CPXM2: variants seen among roughly 807,000 people sequenced by gnomAD.
CPXM2 encodes the protein carboxypeptidase X, M14 family member 2.
In CPXM2, 66 loss-of-function variants were observed where a neutral mutation model predicts 86.1. The ratio of observed to expected loss-of-function variants is 0.77; its 90% CI spans 0.63 to 0.94. The LOEUF is 0.94. Among genes scored for constraint, CPXM2 ranks in the 40% least tolerant of loss-of-function variants. The probability of loss-of-function intolerance (pLI) is 0.00; values close to 1 mark genes in which losing one functional copy is unlikely to be tolerated. For synonymous variants in CPXM2, 388 were observed against 400.2 expected (o/e 0.97, Z 0.36); for missense variants, 948 against 1,026.3 (o/e 0.92, Z 1.04).
At chr10:123,778,903 T>C (rs964057638) in intron 7 of CPXM2, among the ~76,000 whole-genome samples, 1 of 152,212 alleles carries the variant, frequency 6.6e-6, no homozygotes, top group African/African-American at 2.4e-5. Flanking sequence ...AGCAAGAAGA[T>C]TTCTTAGCAC....
chr10:123,920,030 C>T (rs574637806), intron 2 of CPXM2, among the ~76,000 whole-genome samples: 21 of 152,266 alleles, frequency 1.4e-4, no homozygotes, highest in African/African-American at 4.8e-4. Context: ...CTGCCATGAC[C>T]CAAACACCTC....
At chr10:123,775,373 A>C (rs188642264) in intron 7 of CPXM2, among the ~76,000 whole-genome samples, 1 of 152,218 alleles carries the variant, frequency 6.6e-6, no homozygotes, top group South Asian at 2.1e-4. Context: ...ATCTCTACGG[A>C]CATAAAGCCT....
At position 123,786,889 on chromosome 10, in the gene CPXM2, T is replaced by A. The variant is rs533346429; in HGVS notation, c.890-6634A>T. Among the ~76,000 whole-genome samples, 4 of 152,268 alleles carry A rather than the reference T, an allele frequency of 2.6e-5. No individual in the cohort carries two copies. In the South Asian group the frequency reaches 8.3e-4, roughly 32 times the overall value. ...TGTAGATTCACTGGGCACTAAAGTC[T>A]CCCAAGGATGTCATCATTTGCCTCA... is the stretch of plus-strand genomic sequence containing the variant. On this transcript the variant is annotated intron_variant, in intron 6 of 13. Coordinates refer to ENST00000241305, the MANE Select transcript of CPXM2 (RefSeq NM_198148.3).
chr10:123,933,374 A>T (rs1945684771), intron 2 of CPXM2, among the ~76,000 whole-genome samples: 1 of 152,228 alleles, frequency 6.6e-6, no homozygotes, highest in African/African-American at 2.4e-5. Context: ...GAGCTATTAG[A>T]GGAATCAAGA....
At chr10:123,903,045 A>C (rs1045430777) in intron 2 of CPXM2, among the ~76,000 whole-genome samples, 2 of 152,046 alleles carry the variant, frequency 1.3e-5, no homozygotes, top group Admixed American at 1.3e-4. Flanking sequence ...TCGAAGCCCA[A>C]CTCTAACGCC....
At chr10:123,936,237 G>C (rs540487410) in intron 2 of CPXM2, among the ~76,000 whole-genome samples, 1 of 152,208 alleles carries the variant, frequency 6.6e-6, no homozygotes. Flanking sequence ...CTAAGGCTCA[G>C]AGACTGTAAA....
intron 13 of CPXM2, 56 bp from the exon 14 acceptor site, chr10:123,747,073 G>T (rs181757004): frequency 1.3e-6 from 2 of 1,577,616 alleles, no homozygotes; most frequent in East Asian, 2.2e-5. Context: ...TGCAGATCCC[G>T]CCAGCCCTCC....
rs759010894 is a variant in CPXM2 at position 123,880,226 on chromosome 10, C to A, written c.388G>T (p.Glu130Ter). 2.8e-6 allele frequency: 4 copies of A among 1,436,456 alleles called. No individual in the cohort carries two copies. In the Admixed American group the frequency reaches 7.6e-5, roughly 27 times the overall value. 89.0% of individuals were successfully genotyped at this position (1,436,456 alleles called of 1,614,324 possible). The change falls in exon 2 of 14, where the codon GAA becomes TAA. Residue 130 changes from glutamate to a stop codon, truncating the protein, a stop_gained. Transcript: ENST00000241305. LOFTEE classifies it high-confidence loss of function. Reference protein sequence around the residue: ...NDDHSVRVAREDVRESCPPLG... With the variant: ...NDDHSVRVAR ...CCTCACTTACTCTCTCTGACATCTT[C>A]ACGGGCCACACGGACACTGTGATCA...
chr10:123,781,703 C>T (rs186674967), intron 6 of CPXM2, among the ~76,000 whole-genome samples: 2 of 152,300 alleles, frequency 1.3e-5, no homozygotes, highest in East Asian at 3.9e-4. Flanking sequence ...GTCCACAGAC[C>T]AGTAGCATTG....
intron 2 of CPXM2, among the ~76,000 whole-genome samples, chr10:123,907,576 C>G (rs1407645321): frequency 6.6e-6 from 1 of 151,954 alleles, no homozygotes; most frequent in African/African-American, 2.4e-5. Flanking sequence ...CGGCACCATC[C>G]TGTGCATTTT....
chr10:123,774,459 A>T (rs1194167945), intron 7 of CPXM2, among the ~76,000 whole-genome samples: 1 of 152,262 alleles, frequency 6.6e-6, no homozygotes, highest in African/African-American at 2.4e-5. Flanking sequence ...TGTAAAATTT[A>T]TGATACGTTG....
intron 2 of CPXM2, among the ~76,000 whole-genome samples, chr10:123,871,560 T>C (rs1311681032): frequency 6.6e-6 from 1 of 152,222 alleles, no homozygotes; most frequent in Non-Finnish European, 1.5e-5. Flanking sequence ...CTTAATGTTT[T>C]TATTTAAATC....
chr10:123,804,477 T>C (rs1309784187), intron 4 of CPXM2, among the ~76,000 whole-genome samples: 3 of 152,192 alleles, frequency 2.0e-5, no homozygotes, highest in South Asian at 4.1e-4. Flanking sequence ...TTACATGGTA[T>C]CATTTTAAAT....
intron 2 of CPXM2, among the ~76,000 whole-genome samples, chr10:123,919,317 T>G (rs1945562476): frequency 6.6e-6 from 1 of 152,226 alleles, no homozygotes; most frequent in Non-Finnish European, 1.5e-5. Context: ...TAATCAACAT[T>G]TATCAGAAGA....
At chr10:123,803,859 A>C (rs1847519181) in intron 4 of CPXM2, among the ~76,000 whole-genome samples, 1 of 151,908 alleles carries the variant, frequency 6.6e-6, no homozygotes, top group Admixed American at 6.6e-5. Context: ...GAGGGGTTTC[A>C]TCATGTTTGC....
Position 123,754,760 on chromosome 10 carries a change from A to T in CPXM2, c.1920T>A (p.Val640=). Residue 640 remains valine, a splice_region_variant and synonymous_variant, in exon 13 of 14, where the codon GTT becomes GTA. Transcript: ENST00000241305. The surrounding 1 kb of genome is among the most constrained non-coding windows in gnomAD (Gnocchi z 4.0). ...RESLIVFMEQ[V]HRGIKGLVRD... ...TCACCAAGCCTTTAATGCCACGATG[A>T]ACCTGCTCAGCAAACATGAGACACA... 1 of 1,587,696 alleles carries T rather than the reference A, an allele frequency of 6.3e-7. No homozygotes were observed. Among genetic ancestry groups the T allele is most frequent in the Non-Finnish European group, 8.7e-7 (1 of 1,155,794 alleles).
chr10:123,861,257 G>T (rs562330724), intron 3 of CPXM2, among the ~76,000 whole-genome samples: 1 of 152,304 alleles, frequency 6.6e-6, no homozygotes, highest in Non-Finnish European at 1.5e-5. Context: ...GCCAGAGATG[G>T]TGCACGTGCA....
intron 2 of CPXM2, 66 bp from the exon 3 acceptor site, chr10:123,862,789 T>C: frequency 1.4e-6 from 2 of 1,405,088 alleles, no homozygotes; most frequent in Non-Finnish European, 2.0e-6. Flanking sequence ...TCTTATTTTC[T>C]AAATCTGGCC....
chr10:123,803,317 G>T (rs1732060472), intron 4 of CPXM2, among the ~76,000 whole-genome samples: 1 of 151,582 alleles, frequency 6.6e-6, no homozygotes, highest in Admixed American at 6.6e-5. Context: ...TTGCCATGTT[G>T]CCCAGGCTTG....
Sources: allele counts gnomAD v4.1 joint callset (sites outside exome capture counted in the v4.1 genomes callset), GRCh38; gene constraint gnomAD v4.1.1; non-coding constraint Gnocchi (gnomAD v3.1); transcripts MANE v1.5; gene names NCBI Gene and HGNC (gene_info 2026-07-23, HGNC 2026-07-21).